The following EVC variants were observed in gnomAD, a reference collection of about 807,000 sequenced individuals.
The protein encoded by EVC is evC complex member EVC.
Under a neutral mutation model 118.9 loss-of-function variants are expected in EVC, and 116 were observed. The observed-to-expected ratio is 0.98, with a 90% confidence interval of 0.84 to 1.14. The LOEUF (loss-of-function observed/expected upper bound fraction) is 1.14, where lower values mean the gene tolerates loss of function less well. EVC is among the 50% of genes most tolerant of loss of function. EVC has a pLI of 0.00. For synonymous variants in EVC, 619 were observed against 534.7 expected (o/e 1.16, Z -2.18); for missense variants, 1,401 against 1,246.4 (o/e 1.12, Z -1.87).
intron 17 of EVC, among the ~76,000 whole-genome samples, chr4:5,807,519 G>A (rs1440483582): frequency 1.3e-5 from 2 of 152,196 alleles, no homozygotes; most frequent in Non-Finnish European, 2.9e-5. Context: ...CAGGCAGGGA[G>A]CAATAATGGA....
intron 5 of EVC, among the ~76,000 whole-genome samples, chr4:5,740,115 T>C (rs139007816): frequency 4.2e-4 from 64 of 152,232 alleles, no homozygotes; most frequent in African/African-American, 1.5e-3. Flanking sequence ...TCACACCTTA[T>C]ACAAAAATTA....
In EVC at chr4:5,755,756, T is replaced by C. The variant is rs1560346894; in HGVS notation, c.1465-508T>C. 6.6e-6 allele frequency among the ~76,000 whole-genome samples: 1 copy of C among 152,274 alleles called. No homozygotes were observed. The highest frequency in any genetic ancestry group is 1.5e-5 in the Non-Finnish European group (1 of 68,006). On this transcript the variant is annotated intron_variant, in intron 10 of 20. Coordinates refer to ENST00000264956, the MANE Select transcript of EVC (RefSeq NM_153717.3). The surrounding 1 kb of genome is among the most constrained non-coding windows in gnomAD (Gnocchi z 4.1). ...CCTCGCCCCTCGCTGATGCTCTGTT[T>C]AGGGCTGGCTGGGTCTCCCCCTGCT...
chr4:5,778,837 T>G (rs968815636), intron 11 of EVC, among the ~76,000 whole-genome samples: 89 of 152,296 alleles, frequency 5.8e-4, no homozygotes, highest in Non-Finnish European at 8.5e-4. Flanking sequence ...AGAAGCTCTT[T>G]AGTTTAATTA....
the EVC span, chr4:5,824,826 T>C: frequency 1.0e-6 from 1 of 985,290 alleles, no homozygotes; most frequent in African/African-American, 1.7e-5. Context: ...TTCAACTTTC[T>C]CAACGTGTGC....
intron 8 of EVC, among the ~76,000 whole-genome samples, chr4:5,750,528 C>T (rs776785564): frequency 1.3e-5 from 2 of 152,178 alleles, no homozygotes; most frequent in Non-Finnish European, 2.9e-5. Context: ...GAAACTGGAG[C>T]TCCCACTGCA....
At chr4:5,823,660 C>T in the EVC span, among the ~76,000 whole-genome samples, 1 of 152,178 alleles carries the variant, frequency 6.6e-6, no homozygotes, top group African/African-American at 2.4e-5. Context: ...TGCCTTCTTC[C>T]TCTGTTGCCA....
chr4:5,794,742 A>G (rs966979250), intron 13 of EVC, among the ~76,000 whole-genome samples: 9 of 152,002 alleles, frequency 5.9e-5, no homozygotes, highest in Non-Finnish European at 1.2e-4. Context: ...GCTATTTTTT[A>G]GTTTTATTTT....
chr4:5,785,808 C>A (rs542395140), intron 12 of EVC, among the ~76,000 whole-genome samples: 4 of 152,342 alleles, frequency 2.6e-5, no homozygotes, highest in African/African-American at 9.6e-5. Context: ...GTTGCCTTTG[C>A]CCTGTATTCT....
chr4:5,797,031 G>T lies in EVC; in HGVS notation c.1896G>T (p.Arg632=), dbSNP rs758327867. The T allele has an allele frequency of 2.5e-5, 41 of 1,612,698 alleles. No homozygotes were observed. In the Admixed American group the frequency reaches 6.3e-4, roughly 25 times the overall value. The part of the protein sequence containing the change: ...RLGGLTEEST[R]CVLQGHDLLL... The stretch of plus-strand genomic sequence containing the variant: ...CCTGCTTTCCTCAAAGGTCCACGCG[G>T]TGTGTCCTGCAGGGGCATGACCTGC... Residue 632 remains arginine, a synonymous_variant, in exon 14 of 21, where the codon CGG becomes CGT. Transcript: ENST00000264956.
intron 11 of EVC, among the ~76,000 whole-genome samples, chr4:5,776,241 G>C (rs995276296): frequency 6.6e-6 from 1 of 151,976 alleles, no homozygotes; most frequent in Non-Finnish European, 1.5e-5. Flanking sequence ...CATTTTTCCA[G>C]TGAATTAAAC....
Position 5,749,342 on chromosome 4 carries a change from A to G in EVC, c.1098+1036A>G, listed in dbSNP as rs74320779. On this transcript the variant is annotated intron_variant, in intron 8 of 20. Transcript: ENST00000264956. This position sits in a 1 kb window ranked among gnomAD's most constrained non-coding sequence, Gnocchi z 4.4. ...AACACTAACGATAGCTGATGAGCGG[A>G]AAAAAAAAAAAAAAAAAAGGTCCCT... is the stretch of plus-strand genomic sequence containing the variant. Among the ~76,000 whole-genome samples, 36,452 of 90,578 alleles carry G rather than the reference A, an allele frequency of 0.4. 5,728 individuals carry two copies. The highest frequency in any genetic ancestry group is 0.45 in the Non-Finnish European group (22,150 of 49,716). 59.4% of individuals were successfully genotyped at this position (90,578 alleles called of 152,430 possible).
chr4:5,734,877 A>G (rs1727425112), intron 5 of EVC, among the ~76,000 whole-genome samples: 1 of 152,162 alleles, frequency 6.6e-6, no homozygotes, highest in Non-Finnish European at 1.5e-5. Context: ...AGCTTTCCTC[A>G]GTGAGCTACA....
chr4:5,770,885 T>C (rs899851077), intron 11 of EVC, among the ~76,000 whole-genome samples: 4 of 151,876 alleles, frequency 2.6e-5, no homozygotes, highest in African/African-American at 4.8e-5. Context: ...TCGTGGGGTG[T>C]GCCTGTAATC....
chr4:5,767,437 G>C (rs1390553930), intron 11 of EVC, among the ~76,000 whole-genome samples: 1 of 150,486 alleles, frequency 6.6e-6, no homozygotes, highest in African/African-American at 2.4e-5. Context: ...CCCAGTTGCA[G>C]CTTCCAGGCT....
downstream of EVC, among the ~76,000 whole-genome samples, chr4:5,815,340 A>T (rs1717503174): frequency 6.6e-6 from 1 of 152,194 alleles, no homozygotes; most frequent in Non-Finnish European, 1.5e-5. Context: ...AATTGACCAA[A>T]GGCAGACCAA....
At chr4:5,712,051 C>G (rs998059171) in intron 1 of EVC, among the ~76,000 whole-genome samples, 5 of 152,236 alleles carry the variant, frequency 3.3e-5, no homozygotes, top group Non-Finnish European at 7.3e-5. Context: ...CAGCCAGTCA[C>G]TGGCCTAGGG....
intron 12 of EVC, among the ~76,000 whole-genome samples, chr4:5,785,035 C>T (rs958451865): frequency 3.3e-5 from 5 of 152,196 alleles, no homozygotes; most frequent in African/African-American, 1.2e-4. Flanking sequence ...GGCTGTGAAA[C>T]TAACATCCTC....
At position 5,812,898 on chromosome 4, in the gene EVC, A is replaced by G. The variant is rs1254237698; in HGVS notation, c.*1861A>G. 1 of 152,236 alleles carries G rather than the reference A, an allele frequency of 6.6e-6. No homozygotes were observed. The highest frequency in any genetic ancestry group is 1.5e-5 in the Non-Finnish European group (1 of 68,048). 9.4% of individuals were successfully genotyped at this position (152,236 alleles called of 1,614,324 possible). On this transcript the variant is annotated 3_prime_UTR_variant, in exon 21 of 21. Coordinates refer to ENST00000264956, the MANE Select transcript of EVC (RefSeq NM_153717.3). ...AGGGTGCCTTGCCCTGGTCTAATCC[A>G]GGACATAGCCGTGGATACGTCCAAA...
chr4:5,787,378 GCTTGGCCCCATGTTATCACAAGGGTC>G (rs1711877656), intron 12 of EVC, among the ~76,000 whole-genome samples: 1 of 152,190 alleles, frequency 6.6e-6, no homozygotes, highest in South Asian at 2.1e-4. Flanking sequence ...CGATGATCTG[GCTTGGCCCCATGTTATCACAAGGGTC>G]CTTATAAGTG....
Sources: gnomAD v4.1 joint callset for allele counts (sites outside exome capture counted in the v4.1 genomes callset) on GRCh38, gnomAD v4.1.1 for gene constraint, Gnocchi (gnomAD v3.1) non-coding constraint, MANE v1.5 for transcripts, NCBI Gene and HGNC (gene_info 2026-07-23, HGNC 2026-07-21) for gene names.